METTL16: variants seen among roughly 807,000 people sequenced by gnomAD.
METTL16 encodes the protein RNA N(6)-adenosine-methyltransferase METTL16.
METTL16 carries 19 observed loss-of-function variants against 57.9 expected under a neutral mutation model. That is an observed-to-expected ratio of 0.33 (90% CI 0.23 to 0.48). The LOEUF is 0.48. Among genes scored for constraint, METTL16 ranks in the 20% least tolerant of loss-of-function variants. The probability of loss-of-function intolerance (pLI) is 0.99; values close to 1 mark genes in which losing one functional copy is unlikely to be tolerated. For missense variants in METTL16, 434 were observed against 691.5 expected (o/e 0.63, Z 4.18); for synonymous variants, 246 against 255.6 (o/e 0.96, Z 0.36).
chr17:2,454,302 G>A (rs1229345624), intron 6 of METTL16, among the ~76,000 whole-genome samples: 3 of 152,032 alleles, frequency 2.0e-5, no homozygotes, highest in Non-Finnish European at 4.4e-5. Context: ...GAGGTTTGGG[G>A]TATAAGCAAT....
At chr17:2,462,459 C>T (rs564735961) in intron 6 of METTL16, among the ~76,000 whole-genome samples, 7 of 152,154 alleles carry the variant, frequency 4.6e-5, no homozygotes, top group South Asian at 2.1e-4. Flanking sequence ...GATGGCGATA[C>T]GGTTTGGATT....
intron 1 of METTL16, among the ~76,000 whole-genome samples, chr17:2,510,627 T>C (rs916136083): frequency 1.3e-5 from 2 of 152,196 alleles, no homozygotes; most frequent in African/African-American, 2.4e-5. Context: ...CTTAGCTAAA[T>C]ATAACCTATT....
chr17:2,440,970 C>CAAAAAAAAAA (rs760521188), intron 7 of METTL16, among the ~76,000 whole-genome samples: 26 of 34,028 alleles, frequency 7.6e-4, no homozygotes, highest in African/African-American at 8.5e-4. Context: ...GACTTGATCT[C>CAAAAAAAAAA]AAAAAAAAAA....
chr17:2,471,481 T>A (rs774448435), intron 4 of METTL16, among the ~76,000 whole-genome samples: 1 of 152,172 alleles, frequency 6.6e-6, no homozygotes, highest in Non-Finnish European at 1.5e-5. Context: ...CAGTACTGTA[T>A]ACCATTCCTT....
intron 4 of METTL16, among the ~76,000 whole-genome samples, chr17:2,468,227 T>C (rs1230491576): frequency 6.6e-6 from 1 of 152,222 alleles, no homozygotes; most frequent in Admixed American, 6.5e-5. Context: ...TCAGAATATA[T>C]CCCTGCTGTT....
chr17:2,464,112 G>A, intron 6 of METTL16, 96 bp downstream of exon 6: 1 of 1,308,576 alleles, frequency 7.6e-7, no homozygotes, highest in Non-Finnish European at 1.0e-6. Context: ...ACAAGAGCAA[G>A]ACTCTGTCCC....
At chr17:2,503,894 C>T (rs765061494) in intron 1 of METTL16, among the ~76,000 whole-genome samples, 6 of 151,706 alleles carry the variant, frequency 4.0e-5, no homozygotes, top group Admixed American at 1.3e-4. Flanking sequence ...CAACAAAATA[C>T]GGTATATCCA....
rs761288562 is a variant in METTL16, at chr17:2,420,919, A to C, written c.889-15T>G. 6.2e-7 allele frequency: 1 copy of C among 1,605,698 alleles called. No individual in the cohort carries two copies. Among genetic ancestry groups the C allele is most frequent in the South Asian group, 1.1e-5 (1 of 89,704 alleles). On this transcript the variant is annotated splice_polypyrimidine_tract_variant and intron_variant, in intron 8 of 9. Coordinates refer to ENST00000263092, the MANE Select transcript of METTL16 (RefSeq NM_024086.4). This position sits in a 1 kb window ranked among gnomAD's most constrained non-coding sequence, Gnocchi z 5.4. ...CTTGGTGGTGACTGCAAGAAAAAGG[A>C]AGCATAGAAAAGAGAAGAAAGTTAT...
chr17:2,475,727 T>A (rs1336325782), intron 3 of METTL16, among the ~76,000 whole-genome samples: 4 of 152,114 alleles, frequency 2.6e-5, no homozygotes, highest in Admixed American at 2.6e-4. Flanking sequence ...CAAATAAAAA[T>A]GGAAAGTACA....
At chr17:2,437,464 G>A (rs1015471193) in intron 8 of METTL16, among the ~76,000 whole-genome samples, 3 of 152,152 alleles carry the variant, frequency 2.0e-5, no homozygotes, top group Non-Finnish European at 4.4e-5. Context: ...CAATTCTTGA[G>A]GAATGTCCAC....
chr17:2,471,392 G>A (rs968157621), intron 4 of METTL16, among the ~76,000 whole-genome samples: 4 of 152,038 alleles, frequency 2.6e-5, no homozygotes, highest in African/African-American at 9.7e-5. Context: ...GGCTGGTCTC[G>A]AACTCCTGAC....
chr17:2,470,063 C>G (rs1164073618), intron 4 of METTL16, among the ~76,000 whole-genome samples: 1 of 152,132 alleles, frequency 6.6e-6, no homozygotes, highest in Non-Finnish European at 1.5e-5. Context: ...GACACACAAC[C>G]TTATTTTATG....
At chr17:2,508,378 A>G (rs534164904) in intron 1 of METTL16, among the ~76,000 whole-genome samples, 2 of 152,306 alleles carry the variant, frequency 1.3e-5, no homozygotes, top group South Asian at 4.1e-4. Context: ...TCAAAAATAC[A>G]TGTACAATAT....
In METTL16 at chr17:2,417,077, TTTTTTTTTGA is replaced by T. The variant is rs995399949; in HGVS notation, c.*2883_*2892del. On this transcript the variant is annotated 3_prime_UTR_variant, in exon 10 of 10. Transcript: ENST00000263092. ...GGGTTCCTTTTTTTTTTTTTTTTTTTTTTTTTTTGAGACAGTCCCACTTTGTCGCCCAGGC... is the reference window on the plus strand; with the variant it reads ...GGGTTCCTTTTTTTTTTTTTTTTTTTGACAGTCCCACTTTGTCGCCCAGGC... 3 of 132,086 alleles carry T rather than the reference TTTTTTTTTGA, an allele frequency of 2.3e-5. No homozygotes were observed. The highest frequency in any genetic ancestry group is 8.8e-5 in the African/African-American group (3 of 34,002). The allele number at this position is 132,086 out of a possible 1,614,324, so 8.2% of individuals were successfully genotyped here. A position where few individuals can be genotyped will look rare whatever the true frequency, so the allele number is the denominator to read the frequency against.
Position 2,420,171 on chromosome 17 carries a change from G to A in METTL16, c.1488C>T (p.Phe496=), listed in dbSNP as rs760408472. Reference sequence around the variant, plus strand: ...TCCCCCTTTCAGCCACTGGGCTGCCGAACTGCTCAGAAGCCTCTTGGTCCT... The same window carrying A: ...TCCCCCTTTCAGCCACTGGGCTGCCAAACTGCTCAGAAGCCTCTTGGTCCT... ...GAQDQEASEQ[F]GSPVAERGKR... Residue 496 remains phenylalanine, a synonymous_variant, in exon 10 of 10, where the codon TTC becomes TTT. Transcript: ENST00000263092. This position sits in a 1 kb window ranked among gnomAD's most constrained non-coding sequence, Gnocchi z 5.4. 35 of 1,614,106 alleles carry A rather than the reference G, an allele frequency of 2.2e-5. No homozygotes were observed. Among genetic ancestry groups the A allele is most frequent in the Admixed American group, 8.3e-5 (5 of 60,016 alleles).
intron 6 of METTL16, among the ~76,000 whole-genome samples, chr17:2,454,684 C>A (rs1387284026): frequency 6.6e-6 from 1 of 150,940 alleles, no homozygotes; most frequent in African/African-American, 2.4e-5. Flanking sequence ...CCCATCTCAG[C>A]CTCCCAAGTA....
intron 6 of METTL16, among the ~76,000 whole-genome samples, chr17:2,456,625 C>T (rs2067112613): frequency 6.6e-6 from 1 of 152,024 alleles, no homozygotes; most frequent in Admixed American, 6.6e-5. Context: ...TAGGAACATG[C>T]CACCACACAC....
chr17:2,475,192 C>T (rs1007237753), intron 3 of METTL16: 2 of 152,106 alleles, frequency 1.3e-5, no homozygotes, highest in Admixed American at 6.6e-5. Flanking sequence ...AGATGATGGC[C>T]GCAACATTTA....
At chr17:2,427,386 T>C (rs2066827470) in intron 8 of METTL16, among the ~76,000 whole-genome samples, 1 of 152,210 alleles carries the variant, frequency 6.6e-6, no homozygotes, top group Non-Finnish European at 1.5e-5. Context: ...AACGAACCTC[T>C]GTCCTGACTC....
Sources: gnomAD v4.1 joint callset for allele counts (sites outside exome capture counted in the v4.1 genomes callset) on GRCh38, gnomAD v4.1.1 for gene constraint, Gnocchi (gnomAD v3.1) non-coding constraint, MANE v1.5 for transcripts, NCBI Gene and HGNC (gene_info 2026-07-23, HGNC 2026-07-21) for gene names.